Variants in GDI2 observed in about 807,000 individuals in gnomAD.
GDI2 encodes GDP dissociation inhibitor 2.
GDI2 carries 22 observed loss-of-function variants against 54.2 expected under a neutral mutation model. The observed-to-expected ratio is 0.41, with a 90% CI of 0.29 to 0.58. The LOEUF is 0.58. Among genes scored for constraint, GDI2 ranks in the 20% least tolerant of loss-of-function variants. GDI2 has a pLI of 0.35. For missense variants in GDI2, 422 were observed against 546.0 expected, an observed-to-expected ratio of 0.77 and a Z score of 2.26; for synonymous variants, 177 against 182.1, an observed-to-expected ratio of 0.97 and a Z score of 0.23.
chr10:5,797,182 G>A (rs1407157804), intron 2 of GDI2, among the ~76,000 whole-genome samples: 2 of 152,144 alleles, frequency 1.3e-5, no homozygotes, highest in Admixed American at 6.6e-5. Flanking sequence ...TCCATGAGGC[G>A]GGTGGATCCC....
intron 2 of GDI2, among the ~76,000 whole-genome samples, chr10:5,798,923 G>A (rs1287507369): frequency 2.6e-5 from 4 of 151,992 alleles, no homozygotes; most frequent in East Asian, 1.9e-4. Flanking sequence ...GCAGTGAGCC[G>A]AGACTGCACC....
At position 5,775,020 on chromosome 10, in the gene GDI2, TG is replaced by T. The variant is rs545280994; in HGVS notation, c.720-1080del. Among the ~76,000 whole-genome samples, 153 of 152,332 alleles carry T rather than the reference TG, an allele frequency of 1.0e-3. 2 individuals are homozygous for T. Among genetic ancestry groups the T allele is most frequent in the South Asian group, 3.7e-3 (18 of 4,822 alleles). On this transcript the variant is annotated intron_variant, in intron 6 of 10. Coordinates refer to ENST00000380191, the MANE Select transcript of GDI2 (RefSeq NM_001494.4). ...CACTATCAGAAGGAACTGAAGGCAG[TG>T]GTTCACGCCTAATGCCACCACTTTG...
In GDI2 at chr10:5,768,096, A is replaced by G; in HGVS notation, c.991+117T>C. ...AGGTACAAAGATTTTTTTCCCCCAT[A>G]TGTAAACCAAGGTCTGTTCACTAAT... On this transcript the variant is annotated intron_variant, in intron 8 of 10. Coordinates refer to ENST00000380191, the MANE Select transcript of GDI2 (RefSeq NM_001494.4). This position sits in a 1 kb window ranked among gnomAD's most constrained non-coding sequence, Gnocchi z 4.4. 1.2e-6 allele frequency: 1 copy of G among 802,786 alleles called. No individual in the cohort carries two copies. The highest frequency in any genetic ancestry group is 2.0e-6 in the Non-Finnish European group (1 of 491,554). 49.7% of individuals were successfully genotyped at this position (802,786 alleles called of 1,614,324 possible).
In GDI2 at chr10:5,776,389, C is replaced by A; in HGVS notation, c.720-2448G>T. On this transcript the variant is annotated intron_variant, in intron 6 of 10. Transcript: ENST00000380191. The surrounding 1 kb of genome is among the most constrained non-coding windows in gnomAD (Gnocchi z 5.3). Reference sequence around the variant, plus strand: ...CTTTCTCAGAAGCACAGCCCTTTCACAGAGAAATGCCTGCCTGAGATTCAA... The same window carrying A: ...CTTTCTCAGAAGCACAGCCCTTTCAAAGAGAAATGCCTGCCTGAGATTCAA... The A allele has an allele frequency of 1.4e-6, 1 of 739,332 alleles. No homozygotes were observed. The allele number at this position is 739,332 out of a possible 1,614,324, so 45.8% of individuals were successfully genotyped here. A position where few individuals can be genotyped will look rare whatever the true frequency, so the allele number is the denominator to read the frequency against.
intron 6 of GDI2, among the ~76,000 whole-genome samples, chr10:5,784,803 G>A (rs903101162): frequency 1.3e-5 from 2 of 152,222 alleles, no homozygotes; most frequent in Non-Finnish European, 2.9e-5. Context: ...CTCAGGCGTG[G>A]ATACCAGCAC....
chr10:5,780,194 G>GT (rs1407290856), intron 6 of GDI2, among the ~76,000 whole-genome samples: 11 of 145,586 alleles, frequency 7.6e-5, no homozygotes, highest in Middle Eastern at 3.6e-3. Flanking sequence ...GGGTGACAGA[G>GT]TAAGATCGTG....
chr10:5,776,431 A>C lies in GDI2; in HGVS notation c.720-2490T>G, dbSNP rs1184414810. ...GAGATTCAAGGGATCTTTGACAGGG[A>C]TCCAGACACGCTACTATTTTTACTT... On this transcript the variant is annotated intron_variant, in intron 6 of 10. Coordinates refer to ENST00000380191, the MANE Select transcript of GDI2 (RefSeq NM_001494.4). The surrounding 1 kb of genome is among the most constrained non-coding windows in gnomAD (Gnocchi z 5.3). 6 of 818,370 alleles carry C rather than the reference A, an allele frequency of 7.3e-6. No individual in the cohort carries two copies. Among genetic ancestry groups the C allele is most frequent in the Non-Finnish European group, 1.3e-5 (6 of 461,064 alleles). The allele number at this position is 818,370 out of a possible 1,614,324, so 50.7% of individuals were successfully genotyped here.
At position 5,788,106 on chromosome 10, in the gene GDI2, A is replaced by G. The variant is rs144358067; in HGVS notation, c.389-2056T>C. ...CAGCATGAGAACCAGATATAATTGT[A>G]TTACAAATACTTCAAACACCCAGTG... On this transcript the variant is annotated intron_variant, in intron 4 of 10. Transcript: ENST00000380191. 1.1e-3 allele frequency among the ~76,000 whole-genome samples: 163 copies of G among 152,330 alleles called. 3 individuals carry two copies. In the East Asian group the frequency reaches 0.022, roughly 21 times the overall value.
At position 5,775,352 on chromosome 10, in the gene GDI2, C is replaced by G. The variant is rs140593824; in HGVS notation, c.720-1411G>C. ...GGAGAATGACTTAAAGCAGCAAAAA[C>G]CAGAGACTGAAGAAACTCTTGAAAG... On this transcript the variant is annotated intron_variant, in intron 6 of 10. Coordinates refer to ENST00000380191, the MANE Select transcript of GDI2 (RefSeq NM_001494.4). Among the ~76,000 whole-genome samples the G allele has an allele frequency of 4.0e-3, 610 of 152,286 alleles. 7 individuals are homozygous for G. The highest frequency in any genetic ancestry group is 0.014 in the African/African-American group (572 of 41,556).
At chr10:5,803,628 G>A (rs1177901753) in intron 1 of GDI2, among the ~76,000 whole-genome samples, 2 of 152,056 alleles carry the variant, frequency 1.3e-5, no homozygotes, top group Admixed American at 6.6e-5. Context: ...GAAAACTAGA[G>A]CCCTAAGCAA....
chr10:5,791,911 G>C (rs760465498), intron 4 of GDI2, among the ~76,000 whole-genome samples: 2 of 152,082 alleles, frequency 1.3e-5, no homozygotes, highest in Non-Finnish European at 2.9e-5. Flanking sequence ...GAAAAAAACA[G>C]TCCTGTTTAC....
At chr10:5,781,233 G>T (rs1332956991) in intron 6 of GDI2, among the ~76,000 whole-genome samples, 1 of 143,932 alleles carries the variant, frequency 6.9e-6, no homozygotes, top group Non-Finnish European at 1.5e-5. Context: ...GTCTCAAGAT[G>T]AATCAGATTT....
intron 1 of GDI2, among the ~76,000 whole-genome samples, chr10:5,811,207 T>C (rs1841474684): frequency 6.6e-6 from 1 of 152,226 alleles, no homozygotes; most frequent in African/African-American, 2.4e-5. Flanking sequence ...ATAATGTGAT[T>C]GTCCTGAATT....
Position 5,806,274 on chromosome 10 carries a change from T to C in GDI2, c.46-5569A>G, listed in dbSNP as rs1256008802. Among the ~76,000 whole-genome samples, 5 of 152,214 alleles carry C rather than the reference T, an allele frequency of 3.3e-5. No homozygotes were observed. In the South Asian group the frequency reaches 1.0e-3, roughly 32 times the overall value. The stretch of plus-strand genomic sequence containing the variant: ...CAAATAAGGTTGAACACTTTTTAAA[T>C]AGTTGATTAATGATTAGGGACCGGG... On this transcript the variant is annotated intron_variant, in intron 1 of 10. Coordinates refer to ENST00000380191, the MANE Select transcript of GDI2 (RefSeq NM_001494.4).
At chr10:5,796,734 G>A (rs1386281296) in intron 3 of GDI2, 29 bp downstream of exon 3, 1 of 1,014,270 alleles carries the variant, frequency 9.9e-7, no homozygotes, top group African/African-American at 1.6e-5. Flanking sequence ...TCAAAGTACT[G>A]TCATAAATTT....
chr10:5,777,405 G>A (rs543223879), intron 6 of GDI2, among the ~76,000 whole-genome samples: 18 of 152,222 alleles, frequency 1.2e-4, no homozygotes, highest in African/African-American at 4.3e-4. Flanking sequence ...CCCAGGAGGC[G>A]GAGGCTGCAG....
At chr10:5,806,828 A>C (rs1284264124) in intron 1 of GDI2, among the ~76,000 whole-genome samples, 1 of 152,230 alleles carries the variant, frequency 6.6e-6, no homozygotes, top group African/African-American at 2.4e-5. Context: ...TTCCCAGCTG[A>C]CAAAAGTAGA....
intron 1 of GDI2, among the ~76,000 whole-genome samples, chr10:5,810,645 T>C (rs189045276): frequency 6.6e-6 from 1 of 152,350 alleles, no homozygotes; most frequent in Admixed American, 6.5e-5. Context: ...TGTGAAAACT[T>C]GGTTATCAAG....
At chr10:5,782,653 G>C (rs1840784481) in intron 6 of GDI2, among the ~76,000 whole-genome samples, 1 of 152,138 alleles carries the variant, frequency 6.6e-6, no homozygotes, top group South Asian at 2.1e-4. Flanking sequence ...AAAAGAATTG[G>C]CCAGGCACAA....
Sources: allele counts gnomAD v4.1 joint callset (sites outside exome capture counted in the v4.1 genomes callset), GRCh38; gene constraint gnomAD v4.1.1; non-coding constraint Gnocchi (gnomAD v3.1); transcripts MANE v1.5; gene names NCBI Gene and HGNC (gene_info 2026-07-23, HGNC 2026-07-21).